ATP8A1: variants seen among roughly 807,000 people sequenced by gnomAD.
The protein encoded by ATP8A1 is ATPase phospholipid transporting 8A1.
In ATP8A1, 90 loss-of-function variants were observed where a neutral mutation model predicts 177.7. The observed-to-expected ratio is 0.51, with a 90% CI of 0.43 to 0.60. The LOEUF is 0.60. Ranked by LOEUF, ATP8A1 falls within the 20% of genes least tolerant of loss-of-function variation. ATP8A1 has a pLI of 0.00. For missense variants in ATP8A1, 1,072 were observed against 1,392.8 expected (o/e 0.77, Z 3.67); for synonymous variants, 493 against 485.9 (o/e 1.01, Z -0.19).
chr4:42,622,926 T>G (rs1361764674), intron 4 of ATP8A1, among the ~76,000 whole-genome samples: 2 of 150,022 alleles, frequency 1.3e-5, no homozygotes, highest in Non-Finnish European at 3.0e-5. Context: ...GGAGAATCGC[T>G]TGAACCTGGG....
intron 10 of ATP8A1, among the ~76,000 whole-genome samples, 192 bp downstream of exon 10, chr4:42,581,429 A>C (rs192832748): frequency 6.6e-6 from 1 of 152,122 alleles, no homozygotes; most frequent in Middle Eastern, 3.2e-3. Flanking sequence ...CACCGCGCCC[A>C]GCCCAAGCCA....
chr4:42,584,363 CT>C (rs1733406560), intron 9 of ATP8A1, among the ~76,000 whole-genome samples: 1 of 152,188 alleles, frequency 6.6e-6, no homozygotes, highest in African/African-American at 2.4e-5. Context: ...CAACAAAACT[CT>C]TTGAAAAAGA....
intron 33 of ATP8A1, among the ~76,000 whole-genome samples, chr4:42,443,197 C>T (rs1283792261): frequency 6.6e-6 from 1 of 152,014 alleles, no homozygotes; most frequent in Non-Finnish European, 1.5e-5. Context: ...ATAGACTGTC[C>T]CCAGACAGAA....
At position 42,446,605 on chromosome 4, in the gene ATP8A1, A is replaced by G; in HGVS notation, c.2936T>C (p.Leu979Pro). ...CACAGTGTACACAAAGTTTCCCAGT[A>G]GCAGATAATCCGAGGTTTTCCCATT... Reference protein sequence around the residue: ...FGNGKTSDYLLLGNFVYTFVV... With the variant: ...FGNGKTSDYLPLGNFVYTFVV... The change falls in exon 31 of 37, where the codon CTA becomes CCA. Residue 979 changes from leucine to proline, a missense_variant. Physicochemically the swap from Leu to Pro is moderately conservative, Grantham distance 98. This residue lies in a region of ATP8A1 where 316 missense variants were observed against 459.1 expected (regional missense o/e 0.69). Transcript: ENST00000381668. 6.2e-7 allele frequency: 1 copy of G among 1,614,106 alleles called. No individual in the cohort carries two copies. The highest frequency in any genetic ancestry group is 2.2e-5 in the East Asian group (1 of 44,876).
chr4:42,531,104 G>A (rs1447280625), intron 20 of ATP8A1, among the ~76,000 whole-genome samples: 1 of 152,216 alleles, frequency 6.6e-6, no homozygotes, highest in Non-Finnish European at 1.5e-5. Flanking sequence ...AGACTACCAA[G>A]ATGAAATCAG....
intron 15 of ATP8A1, chr4:42,556,370 TC>T (rs1730236757): frequency 1.1e-5 from 2 of 179,018 alleles, no homozygotes; most frequent in Non-Finnish European, 2.3e-5. Flanking sequence ...TTGAATTTCT[TC>T]CACTTCCATA....
chr4:42,560,810 G>T (rs989580663), intron 15 of ATP8A1, among the ~76,000 whole-genome samples: 7 of 152,054 alleles, frequency 4.6e-5, no homozygotes, highest in African/African-American at 1.7e-4. Flanking sequence ...TTTCAACACA[G>T]ATCTAAATAT....
At chr4:42,520,693 C>CTA (rs1413098627) in intron 22 of ATP8A1, among the ~76,000 whole-genome samples, 1 of 152,080 alleles carries the variant, frequency 6.6e-6, no homozygotes, top group Non-Finnish European at 1.5e-5. Flanking sequence ...ACCATACATG[C>CTA]TATCCCATGT....
chr4:42,414,469 G>A (rs1209221455), intron 36 of ATP8A1, among the ~76,000 whole-genome samples, 158 bp downstream of exon 36: 1 of 152,160 alleles, frequency 6.6e-6, no homozygotes, highest in Non-Finnish European at 1.5e-5. Flanking sequence ...AAATGGTTCT[G>A]ACCAATGGAT....
At chr4:42,478,705 G>A (rs999460175) in intron 25 of ATP8A1, among the ~76,000 whole-genome samples, 3 of 152,282 alleles carry the variant, frequency 2.0e-5, no homozygotes, top group South Asian at 2.1e-4. Context: ...AGAACAGAGG[G>A]AAGGCACCGC....
chr4:42,435,182 T>C (rs1480845374), intron 33 of ATP8A1, among the ~76,000 whole-genome samples: 1 of 151,998 alleles, frequency 6.6e-6, no homozygotes, highest in Non-Finnish European at 1.5e-5. Flanking sequence ...TCCCAGCACT[T>C]TGGGAGGCCA....
chr4:42,581,722 G>C lies in ATP8A1; in HGVS notation c.733C>G (p.Leu245Val), dbSNP rs1164902594. 1.2e-6 allele frequency: 2 copies of C among 1,613,086 alleles called. No homozygotes were observed. Among genetic ancestry groups the C allele is most frequent in the Admixed American group, 3.3e-5 (2 of 60,008 alleles). The change falls in exon 10 of 37, where the codon CTG (leucine) becomes GTG (valine). Residue 245 changes from leucine (L) to valine (V), a missense_variant. By Grantham distance (32) the Leu-to-Val change is conservative. Transcript: ENST00000381668. ...CGAAGAAGAATCTGATCTGCTCCCA[G>C]TGGAACGGTGCTAGGACAGATTACG... is the stretch of plus-strand genomic sequence containing the variant. ...IRLDGHGTVP[L>V]GADQILLRGA...
At position 42,578,377 on chromosome 4, in the gene ATP8A1, A is replaced by T. The variant is rs1560480228; in HGVS notation, c.1011T>A (p.Ala337=). The T allele has an allele frequency of 6.2e-7, 1 of 1,612,010 alleles. No homozygotes were observed. The highest frequency in any genetic ancestry group is 1.1e-5 in the South Asian group (1 of 90,672). ...TCAAGAAATTCAGTCCAAAATTACT[A>T]GCGCCACCATCTGTTGGGAGAGGCA... The part of the protein sequence containing the change: ...DWYLNLNYGG[A]SNFGLNFLTF... The change falls in exon 12 of 37, where the codon GCT becomes GCA. Residue 337 remains alanine (A), a synonymous_variant. Transcript: ENST00000381668.
intron 33 of ATP8A1, among the ~76,000 whole-genome samples, chr4:42,424,212 A>T (rs974318685): frequency 1.4e-4 from 22 of 152,114 alleles, no homozygotes; most frequent in African/African-American, 5.3e-4. Context: ...TGTATTAAAA[A>T]TAACTTTAAT....
intron 29 of ATP8A1, among the ~76,000 whole-genome samples, chr4:42,452,705 A>G (rs1718061934): frequency 6.6e-6 from 1 of 152,216 alleles, no homozygotes; most frequent in Non-Finnish European, 1.5e-5. Context: ...ATTGTATTTT[A>G]AGAACAAGAG....
At chr4:42,607,881 G>A (rs532340939) in intron 5 of ATP8A1, among the ~76,000 whole-genome samples, 50 of 152,288 alleles carry the variant, frequency 3.3e-4, no homozygotes, top group African/African-American at 9.6e-4. Context: ...TGGTGAAGGG[G>A]AGTAGGAATA....
chr4:42,542,381 A>T (rs893937018), intron 20 of ATP8A1, among the ~76,000 whole-genome samples: 2 of 152,130 alleles, frequency 1.3e-5, no homozygotes, highest in African/African-American at 4.8e-5. Flanking sequence ...CGGGTTTTGT[A>T]AACTGGACAT....
intron 25 of ATP8A1, among the ~76,000 whole-genome samples, chr4:42,469,610 C>G (rs1720172447): frequency 6.6e-6 from 1 of 152,114 alleles, no homozygotes; most frequent in Non-Finnish European, 1.5e-5. Context: ...TTTCAGAAAT[C>G]AACATGGGCT....
intron 11 of ATP8A1, 103 bp from the exon 12 acceptor site, chr4:42,578,490 G>C (rs960298190): frequency 1.6e-5 from 21 of 1,279,136 alleles, no homozygotes; most frequent in South Asian, 1.0e-4. Context: ...CAGCTTATTT[G>C]ATAATTTGGG....
Sources: gnomAD v4.1 joint callset for allele counts (sites outside exome capture counted in the v4.1 genomes callset) on GRCh38, gnomAD v4.1.1 for gene constraint, gnomAD v4.1.1 regional missense constraint, MANE v1.5 for transcripts, NCBI Gene and HGNC (gene_info 2026-07-23, HGNC 2026-07-21) for gene names.